PMP22: variants seen among roughly 807,000 people sequenced by gnomAD.
PMP22 encodes the protein peripheral myelin protein 22.
In PMP22, 2 loss-of-function variants were observed where a neutral mutation model predicts 18.9. That is an observed-to-expected ratio of 0.11 (90% CI 0.04 to 0.33). The LOEUF is 0.33. Among genes scored for constraint, PMP22 ranks in the 10% least tolerant of loss-of-function variants. The pLI, the probability that PMP22 is intolerant of heterozygous loss-of-function variation, is 1.00. For missense variants in PMP22, 169 were observed against 202.2 expected (o/e 0.84, Z 1.00); for synonymous variants, 95 against 89.2 (o/e 1.07, Z -0.37).
chr17:15,256,207 A>G (rs1908812547), intron 3 of PMP22, among the ~76,000 whole-genome samples: 1 of 152,220 alleles, frequency 6.6e-6, no homozygotes, highest in Admixed American at 6.5e-5. Flanking sequence ...TGTCTCTTTC[A>G]AACTACACAA....
intron 3 of PMP22, chr17:15,251,633 C>G (rs953509014): frequency 1.3e-5 from 2 of 151,714 alleles, no homozygotes; most frequent in Middle Eastern, 5.9e-4. Flanking sequence ...GGGTCCCTGC[C>G]AGTGTTGGGG....
In PMP22 at chr17:15,233,891, T is replaced by G. The variant is rs540294600; in HGVS notation, c.320-2811A>C. Among the ~76,000 whole-genome samples, 60 of 152,242 alleles carry G rather than the reference T, an allele frequency of 3.9e-4. 1 individual carries two copies. The South Asian group carries it at 0.012, about 32-fold the overall frequency. Reference sequence around the variant, plus strand: ...TCATATAATAGGCTGATTAGCTCACTAAGGGTCAGGAAAGAGAGGGCCTTA... The same window carrying G: ...TCATATAATAGGCTGATTAGCTCACGAAGGGTCAGGAAAGAGAGGGCCTTA... On this transcript the variant is annotated intron_variant, in intron 4 of 4. Coordinates refer to ENST00000312280, the MANE Select transcript of PMP22 (RefSeq NM_000304.4).
intron 3 of PMP22, among the ~76,000 whole-genome samples, chr17:15,254,372 C>CA (rs2150700549): frequency 6.6e-6 from 1 of 152,242 alleles, no homozygotes; most frequent in East Asian, 1.9e-4. Context: ...CACAGGTGGG[C>CA]AACAGGCATT....
At chr17:15,264,230 G>GATAGA (rs1555569349) in intron 1 of PMP22, among the ~76,000 whole-genome samples, 1 of 85,008 alleles carries the variant, frequency 1.2e-5, no homozygotes, top group East Asian at 2.9e-4. Context: ...AGGTAGGTAG[G>GATAGA]TAGATAGATA....
At chr17:15,249,999 T>C (rs1489851193) in intron 3 of PMP22, among the ~76,000 whole-genome samples, 2 of 152,174 alleles carry the variant, frequency 1.3e-5, no homozygotes, top group Admixed American at 6.5e-5. Context: ...CACTGCAAGC[T>C]CCGCCTCCCG....
At chr17:15,254,926 TCCAG>T (rs1908699003) in intron 3 of PMP22, among the ~76,000 whole-genome samples, 1 of 152,154 alleles carries the variant, frequency 6.6e-6, no homozygotes, top group Non-Finnish European at 1.5e-5. Flanking sequence ...GCCACTGAAC[TCCAG>T]CCTGGGCAAC....
chr17:15,244,764 G>A (rs1733915586), intron 3 of PMP22, among the ~76,000 whole-genome samples: 1 of 152,246 alleles, frequency 6.6e-6, no homozygotes, highest in African/African-American at 2.4e-5. Flanking sequence ...TATTCGTAGA[G>A]AAAGAGCCAA....
chr17:15,260,374 G>T, intron 2 of PMP22: 1 of 512,996 alleles, frequency 1.9e-6, no homozygotes. Context: ...CTTGTCAAAT[G>T]AAGGTCGGGG....
chr17:15,258,518 G>C lies in PMP22; in HGVS notation c.178+576C>G, dbSNP rs932029946. Among the ~76,000 whole-genome samples the C allele has an allele frequency of 2.0e-5, 3 of 152,138 alleles. No individual in the cohort carries two copies. The highest frequency in any genetic ancestry group is 7.2e-5 in the African/African-American group (3 of 41,418). The stretch of plus-strand genomic sequence containing the variant: ...GATCTTCTGGATTAAGGACCCCAAG[G>C]CTTAGCTTAGGGTTTTGCAAATAGC... On this transcript the variant is annotated intron_variant, in intron 3 of 4. Transcript: ENST00000312280. This position sits in a 1 kb window ranked among gnomAD's most constrained non-coding sequence, Gnocchi z 4.1.
At chr17:15,256,320 T>C (rs1225141732) in intron 3 of PMP22, among the ~76,000 whole-genome samples, 1 of 152,044 alleles carries the variant, frequency 6.6e-6, no homozygotes, top group African/African-American at 2.4e-5. Context: ...GTCATGGTCA[T>C]GCACCAGAAA....
At chr17:15,244,454 G>A (rs2150684463) in intron 3 of PMP22, among the ~76,000 whole-genome samples, 1 of 152,246 alleles carries the variant, frequency 6.6e-6, no homozygotes, top group African/African-American at 2.4e-5. Flanking sequence ...CTAGCGTAAT[G>A]ACACTATATG....
chr17:15,245,503 G>A (rs371358046), intron 3 of PMP22, among the ~76,000 whole-genome samples: 55 of 152,142 alleles, frequency 3.6e-4, no homozygotes, highest in African/African-American at 1.2e-3. Context: ...CTTGAATTCT[G>A]CTTTACGTAC....
intron 3 of PMP22, among the ~76,000 whole-genome samples, chr17:15,246,203 A>G (rs1328685099): frequency 6.6e-6 from 1 of 152,228 alleles, no homozygotes; most frequent in Non-Finnish European, 1.5e-5. Flanking sequence ...CAAACTATCT[A>G]TAAAGAATCA....
chr17:15,256,923 G>C (rs545995437), intron 3 of PMP22, among the ~76,000 whole-genome samples: 2 of 152,294 alleles, frequency 1.3e-5, no homozygotes, highest in East Asian at 1.9e-4. Flanking sequence ...ACCACTACTG[G>C]GGAAGTGTAA....
intron 3 of PMP22, among the ~76,000 whole-genome samples, chr17:15,242,144 C>T (rs1907379681): frequency 6.7e-6 from 1 of 148,208 alleles, no homozygotes; most frequent in African/African-American, 2.5e-5. Flanking sequence ...GTCCCAGCTA[C>T]TTGGGAGGTT....
intron 3 of PMP22, among the ~76,000 whole-genome samples, chr17:15,244,051 C>T (rs1907579253): frequency 6.6e-6 from 1 of 151,880 alleles, no homozygotes; most frequent in African/African-American, 2.4e-5. Flanking sequence ...CTCTAGTTCG[C>T]ATCATTAACA....
At chr17:15,232,143 G>A (rs762566682) in intron 4 of PMP22, among the ~76,000 whole-genome samples, 2 of 151,858 alleles carry the variant, frequency 1.3e-5, no homozygotes, top group African/African-American at 4.8e-5. Context: ...CCCACCGCCC[G>A]GCCACCTACA....
At chr17:15,239,686 GA>G in intron 3 of PMP22, 75 bp from the exon 4 acceptor site, 1 of 1,478,254 alleles carries the variant, frequency 6.8e-7, no homozygotes, top group South Asian at 1.1e-5. Context: ...TGCAGGGCCT[GA>G]AGGGCCATGA....
chr17:15,259,334 C>T (rs953552574), intron 2 of PMP22, 141 bp from the exon 3 acceptor site: 19 of 711,754 alleles, frequency 2.7e-5, no homozygotes, highest in Middle Eastern at 2.6e-4. Flanking sequence ...TAAGAGCCAA[C>T]GTTTTATGAC....
Sources: allele counts gnomAD v4.1 joint callset (sites outside exome capture counted in the v4.1 genomes callset), GRCh38; gene constraint gnomAD v4.1.1; non-coding constraint Gnocchi (gnomAD v3.1); transcripts MANE v1.5; gene names NCBI Gene and HGNC (gene_info 2026-07-23, HGNC 2026-07-21).